The following C1orf21 variants were observed in gnomAD, a reference collection of about 807,000 sequenced individuals.
C1orf21 encodes the protein uncharacterized protein C1orf21.
Under a neutral mutation model 18.7 loss-of-function variants are expected in C1orf21, and 3 were observed. The ratio of observed to expected loss-of-function variants is 0.16; its 90% CI spans 0.07 to 0.42. The LOEUF (loss-of-function observed/expected upper bound fraction) is 0.42. Ranked by LOEUF, C1orf21 falls within the 10% of genes least tolerant of loss-of-function variation. The pLI is 0.99. For synonymous variants in C1orf21, 41 were observed against 46.4 expected (o/e 0.88, Z 0.47); for missense variants, 104 against 143.6 (o/e 0.72, Z 1.41).
At chr1:184,542,699 T>A (rs144167035) in intron 3 of C1orf21, 15 of 152,282 alleles carry the variant, frequency 9.9e-5, no homozygotes, top group Admixed American at 2.0e-4. Flanking sequence ...GATGAGTTAT[T>A]AGAAAATCTT....
At chr1:184,440,803 G>A (rs1656931456) in intron 1 of C1orf21, among the ~76,000 whole-genome samples, 1 of 152,230 alleles carries the variant, frequency 6.6e-6, no homozygotes, top group Non-Finnish European at 1.5e-5. Flanking sequence ...AAAATGATTA[G>A]GAAAACCTGG....
intron 3 of C1orf21, among the ~76,000 whole-genome samples, chr1:184,566,312 T>A (rs1354981577): frequency 2.0e-5 from 3 of 152,212 alleles, no homozygotes; most frequent in African/African-American, 7.2e-5. Context: ...GCTGCCCTTT[T>A]GGTTTGCTGC....
chr1:184,514,913 T>G (rs1297108992), intron 3 of C1orf21, among the ~76,000 whole-genome samples: 1 of 152,226 alleles, frequency 6.6e-6, no homozygotes, highest in African/African-American at 2.4e-5. Context: ...GTATTTTCTG[T>G]GGGTATCCAT....
intron 5 of C1orf21, among the ~76,000 whole-genome samples, chr1:184,618,532 C>T (rs2102013145): frequency 6.6e-6 from 1 of 151,248 alleles, no homozygotes; most frequent in Admixed American, 6.6e-5. Context: ...ATAATGTGAC[C>T]AAAAAACATG....
At position 184,410,741 on chromosome 1, in the gene C1orf21, T is replaced by C. The variant is rs550097384; in HGVS notation, c.-125+23373T>C. Among the ~76,000 whole-genome samples, 529 of 128,442 alleles carry C rather than the reference T, an allele frequency of 4.1e-3. 8 individuals carry two copies. Among genetic ancestry groups the C allele is most frequent in the African/African-American group, 0.016 (507 of 30,888 alleles). The allele number at this position is 128,442 out of a possible 152,430, so 84.3% of individuals were successfully genotyped here. A position where few individuals can be genotyped will look rare whatever the true frequency, so the allele number is the denominator to read the frequency against. On this transcript the variant is annotated intron_variant, in intron 1 of 5. Transcript: ENST00000235307. ...GTGCAATGGTGTGATCTTGGCTCAC[T>C]GCAACCTCTGCCTCCCAGGTTCAAG... is the stretch of plus-strand genomic sequence containing the variant.
chr1:184,475,961 A>T (rs1204375307), intron 1 of C1orf21, among the ~76,000 whole-genome samples: 3 of 152,152 alleles, frequency 2.0e-5, no homozygotes, highest in Non-Finnish European at 4.4e-5. Flanking sequence ...CTGATAGAGA[A>T]TAGTTTGAAG....
At position 184,507,489 on chromosome 1, in the gene C1orf21, A is replaced by T. The variant is rs551750418; in HGVS notation, c.95-99A>T. ...GAACCACATATGAAGGCCACAGGTG[A>T]AAGGGTCTAGCAAATTACACTATTG... On this transcript the variant is annotated intron_variant, in intron 2 of 5. Coordinates refer to ENST00000235307, the MANE Select transcript of C1orf21 (RefSeq NM_030806.4). 1.1e-4 allele frequency: 113 copies of T among 995,392 alleles called. 4 individuals are homozygous for T. In the South Asian group the frequency reaches 1.8e-3, roughly 16 times the overall value. The allele number at this position is 995,392 out of a possible 1,614,324, so 61.7% of individuals were successfully genotyped here. A position where few individuals can be genotyped will look rare whatever the true frequency, so the allele number is the denominator to read the frequency against.
intron 1 of C1orf21, among the ~76,000 whole-genome samples, chr1:184,430,140 G>A (rs1004383489): frequency 1.3e-5 from 2 of 148,612 alleles, no homozygotes; most frequent in Non-Finnish European, 3.0e-5. Context: ...AAAATCCATT[G>A]TTTATCTGAA....
intron 2 of C1orf21, among the ~76,000 whole-genome samples, chr1:184,478,389 G>A (rs768179851): frequency 2.7e-4 from 41 of 152,082 alleles, no homozygotes; most frequent in Non-Finnish European, 3.7e-4. Flanking sequence ...GCCACACCTG[G>A]TCTGCAAATA....
chr1:184,612,799 CAAG>C (rs1162588084), intron 5 of C1orf21, among the ~76,000 whole-genome samples: 5 of 152,140 alleles, frequency 3.3e-5, no homozygotes, highest in African/African-American at 9.7e-5. Context: ...CCAGAGTCAA[CAAG>C]AAGAAGGGTG....
chr1:184,470,871 T>C (rs1461881107), intron 1 of C1orf21, among the ~76,000 whole-genome samples: 1 of 147,460 alleles, frequency 6.8e-6, no homozygotes, highest in Non-Finnish European at 1.5e-5. Context: ...AGAGTAAGAC[T>C]CTTTCTCAAA....
chr1:184,430,572 A>C (rs1350163530), intron 1 of C1orf21, among the ~76,000 whole-genome samples: 1 of 152,172 alleles, frequency 6.6e-6, no homozygotes, highest in Non-Finnish European at 1.5e-5. Context: ...AGAATTTATG[A>C]GTGCTTTTGG....
At chr1:184,560,177 A>G (rs1489347436) in intron 3 of C1orf21, among the ~76,000 whole-genome samples, 2 of 152,248 alleles carry the variant, frequency 1.3e-5, no homozygotes, top group African/African-American at 4.8e-5. Flanking sequence ...GAGTAGACGC[A>G]CATTAAACAA....
intron 1 of C1orf21, among the ~76,000 whole-genome samples, chr1:184,462,428 A>G (rs1160220153): frequency 1.3e-5 from 2 of 152,110 alleles, no homozygotes; most frequent in African/African-American, 4.8e-5. Context: ...TCATTGGCCA[A>G]TATCAATTTG....
At chr1:184,485,282 G>GA (rs1197243994) in intron 2 of C1orf21, among the ~76,000 whole-genome samples, 1 of 151,812 alleles carries the variant, frequency 6.6e-6, no homozygotes, top group Non-Finnish European at 1.5e-5. Context: ...TATTTAATAT[G>GA]AAAAAAGAAT....
chr1:184,567,087 A>C, intron 3 of C1orf21: 1 of 486,342 alleles, frequency 2.1e-6, no homozygotes, highest in Non-Finnish European at 4.1e-6. Context: ...AAAGACAGTC[A>C]GGTGGCACAG....
intron 3 of C1orf21, among the ~76,000 whole-genome samples, chr1:184,580,904 T>G (rs1659265879): frequency 6.6e-6 from 1 of 152,202 alleles, no homozygotes; most frequent in Non-Finnish European, 1.5e-5. Context: ...TCCATGAACT[T>G]TTTTGAAAAC....
At chr1:184,444,319 G>A (rs2101976446) in intron 1 of C1orf21, among the ~76,000 whole-genome samples, 1 of 152,250 alleles carries the variant, frequency 6.6e-6, no homozygotes, top group East Asian at 1.9e-4. Context: ...CATGTGTTGT[G>A]GAAGGGACCC....
intron 1 of C1orf21, among the ~76,000 whole-genome samples, chr1:184,435,490 T>G (rs1656843517): frequency 6.6e-6 from 1 of 152,096 alleles, no homozygotes; most frequent in African/African-American, 2.4e-5. Context: ...ATTACAGACA[T>G]GCACCACCAT....
Sources: allele counts gnomAD v4.1 joint callset (sites outside exome capture counted in the v4.1 genomes callset), GRCh38; gene constraint gnomAD v4.1.1; transcripts MANE v1.5; gene names NCBI Gene and HGNC (gene_info 2026-07-23, HGNC 2026-07-21).